Variants in GRID1 observed in about 807,000 individuals in gnomAD.
The protein encoded by GRID1 is glutamate ionotropic receptor delta type subunit 1.
Under a neutral mutation model 98.0 loss-of-function variants are expected in GRID1, and 28 were observed. The ratio of observed to expected loss-of-function variants is 0.29; its 90% CI spans 0.21 to 0.39. The LOEUF is 0.39. GRID1 is among the 10% of genes least tolerant of loss of function. The pLI is 1.00. For missense variants in GRID1, 1,111 were observed against 1,340.5 expected (o/e 0.83, Z 2.67); for synonymous variants, 553 against 538.5 (o/e 1.03, Z -0.37).
intron 4 of GRID1, among the ~76,000 whole-genome samples, chr10:86,115,819 G>A (rs769391462): frequency 6.6e-6 from 1 of 152,226 alleles, no homozygotes; most frequent in Non-Finnish European, 1.5e-5. Flanking sequence ...GTACGATCAG[G>A]CACTGCTTAA....
intron 4 of GRID1, among the ~76,000 whole-genome samples, chr10:86,059,735 A>C (rs1843623678): frequency 6.6e-6 from 1 of 152,236 alleles, no homozygotes; most frequent in Non-Finnish European, 1.5e-5. Context: ...AAAGATATTT[A>C]ACCCCTATTT....
chr10:86,126,142 C>A (rs1844748850), intron 4 of GRID1, among the ~76,000 whole-genome samples: 1 of 152,128 alleles, frequency 6.6e-6, no homozygotes. Flanking sequence ...AGGGGTGGTA[C>A]CTTGAGGAGC....
At chr10:85,706,300 C>T (rs917001800) in intron 12 of GRID1, among the ~76,000 whole-genome samples, 1 of 152,132 alleles carries the variant, frequency 6.6e-6, no homozygotes, top group African/African-American at 2.4e-5. Flanking sequence ...AAATCATAAG[C>T]ATTCTTACAC....
chr10:86,138,499 G>A (rs1258314228), intron 4 of GRID1, among the ~76,000 whole-genome samples: 1 of 151,446 alleles, frequency 6.6e-6, no homozygotes, highest in African/African-American at 2.4e-5. Flanking sequence ...ACAAAGAGAG[G>A]AAAATTAAAA....
At chr10:86,269,311 C>T (rs1847150499) in intron 2 of GRID1, among the ~76,000 whole-genome samples, 1 of 152,198 alleles carries the variant, frequency 6.6e-6, no homozygotes, top group African/African-American at 2.4e-5. Flanking sequence ...CAGGCTCCAG[C>T]ACGGCCAGGT....
intron 8 of GRID1, among the ~76,000 whole-genome samples, chr10:85,797,758 C>G (rs989854373): frequency 3.3e-5 from 5 of 152,000 alleles, no homozygotes; most frequent in African/African-American, 1.2e-4. Context: ...CCCACAGTGT[C>G]TATTACAACA....
intron 4 of GRID1, among the ~76,000 whole-genome samples, chr10:85,939,746 T>C (rs1841973843): frequency 6.6e-6 from 1 of 152,114 alleles, no homozygotes; most frequent in Non-Finnish European, 1.5e-5. Flanking sequence ...TCCTGTAACA[T>C]AACATATTCA....
intron 13 of GRID1, among the ~76,000 whole-genome samples, chr10:85,636,717 T>C (rs1241833893): frequency 6.6e-6 from 1 of 152,148 alleles, no homozygotes; most frequent in Non-Finnish European, 1.5e-5. Context: ...AATCTTAAGA[T>C]AAATCACAAG....
At chr10:86,316,216 G>A (rs915564140) in intron 2 of GRID1, among the ~76,000 whole-genome samples, 3 of 152,200 alleles carry the variant, frequency 2.0e-5, no homozygotes, top group Non-Finnish European at 4.4e-5. Flanking sequence ...ATGCCACCAG[G>A]TGTGCCCCAG....
intron 4 of GRID1, among the ~76,000 whole-genome samples, chr10:86,014,741 A>G (rs1842960393): frequency 6.6e-6 from 1 of 152,222 alleles, no homozygotes; most frequent in African/African-American, 2.4e-5. Context: ...ACTTAAAAGG[A>G]GCAAGTTTTC....
At chr10:86,290,029 A>C (rs1462086512) in intron 2 of GRID1, among the ~76,000 whole-genome samples, 1 of 151,546 alleles carries the variant, frequency 6.6e-6, no homozygotes, top group African/African-American at 2.4e-5. Context: ...AGAAGGCGTA[A>C]CCGCTAGATC....
rs764292237 is a variant in GRID1, at chr10:85,602,258, G to C, written c.*15C>G. On this transcript the variant is annotated 3_prime_UTR_variant, in exon 16 of 16. Coordinates refer to ENST00000327946, the MANE Select transcript of GRID1 (RefSeq NM_017551.3). ...CGGGTGGGTGGGAGGGTGGGCAGGA[G>C]GGCAGGCGGCGCAGTCAGATGGAGG... 1.4e-5 allele frequency: 21 copies of C among 1,468,420 alleles called. No individual in the cohort carries two copies. The highest frequency in any genetic ancestry group is 9.0e-7 in the Non-Finnish European group (1 of 1,108,350). 91.0% of individuals were successfully genotyped at this position (1,468,420 alleles called of 1,614,324 possible).
At chr10:85,703,903 G>C (rs1472920669) in intron 12 of GRID1, among the ~76,000 whole-genome samples, 2 of 152,054 alleles carry the variant, frequency 1.3e-5, no homozygotes, top group African/African-American at 4.8e-5. Flanking sequence ...GCTTCTTTCA[G>C]GAACTCTTTA....
At position 85,647,406 on chromosome 10, in the gene GRID1, C is replaced by G. The variant is rs17105747; in HGVS notation, c.1998-9G>C. On this transcript the variant is annotated splice_polypyrimidine_tract_variant and intron_variant, in intron 12 of 15. Transcript: ENST00000327946. ...ACAGGTCCTGGAAAGTCCTGAAATG[C>G]AGAAAGGCAGCGAGGCATGAGTACA... The G allele has an allele frequency of 0.025, 40,203 of 1,609,446 alleles. 2,050 individuals are homozygous for G. Among genetic ancestry groups the G allele is most frequent in the African/African-American group, 0.17 (12,459 of 74,842 alleles).
At chr10:85,720,633 C>CAAAA (rs1178857868) in intron 12 of GRID1, among the ~76,000 whole-genome samples, 4 of 79,074 alleles carry the variant, frequency 5.1e-5, no homozygotes, top group Admixed American at 1.4e-4. Context: ...AACAAACAGA[C>CAAAA]AAAAAAAAAA....
chr10:85,965,164 A>C (rs1385977629), intron 4 of GRID1, among the ~76,000 whole-genome samples: 1 of 152,204 alleles, frequency 6.6e-6, no homozygotes, highest in African/African-American at 2.4e-5. Context: ...TGTGGAGAAA[A>C]TGAATGCTTT....
At chr10:86,117,887 C>A (rs1038095713) in intron 4 of GRID1, among the ~76,000 whole-genome samples, 6 of 152,206 alleles carry the variant, frequency 3.9e-5, no homozygotes, top group African/African-American at 1.4e-4. Flanking sequence ...CTATGGACAA[C>A]AGTGTGGAGA....
intron 4 of GRID1, among the ~76,000 whole-genome samples, chr10:85,997,094 T>C (rs979896183): frequency 2.0e-5 from 3 of 152,148 alleles, no homozygotes; most frequent in African/African-American, 7.2e-5. Context: ...AAACATGTGA[T>C]AGCTAAAAGT....
chr10:85,662,606 T>C (rs981999225), intron 12 of GRID1, among the ~76,000 whole-genome samples: 2 of 152,130 alleles, frequency 1.3e-5, no homozygotes, highest in East Asian at 3.9e-4. Context: ...TTCCAAACCA[T>C]AGGGCTCCTC....
Sources: gnomAD v4.1 joint callset for allele counts (sites outside exome capture counted in the v4.1 genomes callset) on GRCh38, gnomAD v4.1.1 for gene constraint, MANE v1.5 for transcripts, NCBI Gene and HGNC (gene_info 2026-07-23, HGNC 2026-07-21) for gene names.